DCAF12: variants seen among roughly 807,000 people sequenced by gnomAD.
DCAF12 encodes DDB1 and CUL4 associated factor 12, also known as DDB1- and CUL4-associated factor 12.
Under a neutral mutation model 52.8 loss-of-function variants are expected in DCAF12, and 28 were observed. That is an observed-to-expected ratio of 0.53 (90% CI 0.39 to 0.73). The LOEUF (loss-of-function observed/expected upper bound fraction) is 0.73, where lower values mean the gene tolerates loss of function less well. DCAF12 is among the 30% of genes least tolerant of loss of function. DCAF12 has a pLI of 0.00. For synonymous variants in DCAF12, 196 were observed against 215.5 expected, an observed-to-expected ratio of 0.91 and a Z score of 0.79; for missense variants, 425 against 552.2, an observed-to-expected ratio of 0.77 and a Z score of 2.31.
chr9:34,098,091 G>A (rs1828765525), intron 5 of DCAF12, among the ~76,000 whole-genome samples: 1 of 152,184 alleles, frequency 6.6e-6, no homozygotes, highest in Non-Finnish European at 1.5e-5. Context: ...AATTCTGTGA[G>A]GCTGACCCAC....
At position 34,126,371 on chromosome 9, in the gene DCAF12, C is replaced by A. The variant is rs1298404287; in HGVS notation, c.61G>T (p.Asp21Tyr). The A allele has an allele frequency of 2.5e-6, 4 of 1,612,340 alleles. No homozygotes were observed. Among genetic ancestry groups the A allele is most frequent in the African/African-American group, 1.3e-5 (1 of 75,060 alleles). ...ACCCTCACCTGCGGGCCCTGAGCGT[C>A]GCTCCCAGCTCCCGGCGAGGCGGGC... ...KAPASPGAGSDAQGPQFGWDH... is the reference protein window; with the variant it reads ...KAPASPGAGSYAQGPQFGWDH... The change falls in exon 1 of 9, where the codon GAC (aspartate) becomes TAC (tyrosine). Residue 21 changes from aspartate to tyrosine, a missense_variant. This residue lies in a region of DCAF12 where 89 missense variants were observed against 84.9 expected (regional missense o/e 1.05). Transcript: ENST00000361264.
At chr9:34,103,308 G>A (rs1274993775) in intron 4 of DCAF12, among the ~76,000 whole-genome samples, 1 of 151,548 alleles carries the variant, frequency 6.6e-6, no homozygotes, top group Non-Finnish European at 1.5e-5. Flanking sequence ...TCAGAAGGCT[G>A]AGGCAGGAGA....
intron 2 of DCAF12, chr9:34,109,302 C>T: frequency 5.1e-6 from 1 of 197,320 alleles, no homozygotes; most frequent in South Asian, 1.1e-4. Context: ...TTCCCATGTA[C>T]TAGTGCTGGA....
intron 2 of DCAF12, among the ~76,000 whole-genome samples, chr9:34,120,192 A>T (rs1829149165): frequency 1.5e-5 from 2 of 129,470 alleles, no homozygotes; most frequent in African/African-American, 5.8e-5. Flanking sequence ...AACAAGAATG[A>T]AAGTCCGTCT....
chr9:34,087,629 T>A lies in DCAF12; in HGVS notation c.*721A>T, dbSNP rs1242831558. 2 of 152,192 alleles carry A rather than the reference T, an allele frequency of 1.3e-5. No homozygotes were observed. The highest frequency in any genetic ancestry group is 4.8e-5 in the African/African-American group (2 of 41,460). The allele number at this position is 152,192 out of a possible 1,614,324, so 9.4% of individuals were successfully genotyped here. ...ACACAGGTGGGAAGACAGGTAGGGC[T>A]GGATCACTTTGCAGTCCTGGCATGG... On this transcript the variant is annotated 3_prime_UTR_variant, in exon 9 of 9. Transcript: ENST00000361264.
At chr9:34,092,186 C>T (rs563208344) in intron 7 of DCAF12, among the ~76,000 whole-genome samples, 31 of 152,252 alleles carry the variant, frequency 2.0e-4, no homozygotes, top group Admixed American at 1.7e-3. Flanking sequence ...ATACAATATA[C>T]GACACATAAA....
At chr9:34,096,614 G>A in intron 6 of DCAF12, 102 bp downstream of exon 6, 1 of 1,109,182 alleles carries the variant, frequency 9.0e-7, no homozygotes, top group East Asian at 2.6e-5. Context: ...AAAAATAAAT[G>A]AATAGATAAA....
Position 34,098,359 on chromosome 9 carries a change from T to G in DCAF12, c.760A>C (p.Lys254Gln). Residue 254 changes from lysine (K) to glutamine (Q), a missense_variant, in exon 5 of 9, where the codon AAG (lysine) becomes CAG (glutamine). Transcript: ENST00000361264. ...TTGTTGAAGGCCAGAGCCCGAACCT[T>G]GCAGTTGTCAGGGTTTGTGTCTTCT... is the stretch of plus-strand genomic sequence containing the variant. Reference protein sequence around the residue: ...PKEDTNPDNCKVRALAFNNKN... With the variant: ...PKEDTNPDNCQVRALAFNNKN... 1 of 1,614,224 alleles carries G rather than the reference T, an allele frequency of 6.2e-7. No homozygotes were observed. The highest frequency in any genetic ancestry group is 8.5e-7 in the Non-Finnish European group (1 of 1,180,038).
intron 7 of DCAF12, among the ~76,000 whole-genome samples, chr9:34,092,696 A>C (rs1002429883): frequency 2.7e-5 from 4 of 147,416 alleles, no homozygotes; most frequent in African/African-American, 9.8e-5. Context: ...AAAAAAAAAA[A>C]CAACAACAAC....
intron 4 of DCAF12, among the ~76,000 whole-genome samples, chr9:34,102,006 C>A (rs1400922742): frequency 1.6e-4 from 23 of 140,238 alleles, no homozygotes; most frequent in Admixed American, 8.8e-4. Flanking sequence ...CAGAGTGAGA[C>A]CCTGTCGCAA....
intron 2 of DCAF12, among the ~76,000 whole-genome samples, chr9:34,123,374 T>C (rs1362284649): frequency 6.6e-6 from 1 of 152,206 alleles, no homozygotes; most frequent in African/African-American, 2.4e-5. Context: ...CTCAGAATAT[T>C]TCCCAGATGC....
intron 2 of DCAF12, among the ~76,000 whole-genome samples, chr9:34,111,092 TCTC>T (rs1280889043): frequency 6.6e-5 from 10 of 151,158 alleles, no homozygotes; most frequent in East Asian, 5.9e-4. Flanking sequence ...TTCAAGCAAT[TCTC>T]CTGCTTCAGC....
chr9:34,105,088 A>T (rs1828884116), intron 4 of DCAF12, among the ~76,000 whole-genome samples: 1 of 147,934 alleles, frequency 6.8e-6, no homozygotes, highest in Admixed American at 6.8e-5. Flanking sequence ...CCCCATCTCT[A>T]CCAAAAATAG....
intron 2 of DCAF12, among the ~76,000 whole-genome samples, chr9:34,108,690 G>A (rs1828943957): frequency 6.6e-6 from 1 of 151,778 alleles, no homozygotes; most frequent in African/African-American, 2.4e-5. Flanking sequence ...GGAGGCTGAG[G>A]CAGAAGAATC....
intron 5 of DCAF12, among the ~76,000 whole-genome samples, chr9:34,097,604 T>C (rs567673337): frequency 9.9e-5 from 15 of 151,714 alleles, no homozygotes; most frequent in African/African-American, 3.6e-4. Flanking sequence ...CTCAATAAGG[T>C]AAGACTTAGT....
chr9:34,090,570 T>A (rs1828627889), intron 7 of DCAF12, among the ~76,000 whole-genome samples: 1 of 152,166 alleles, frequency 6.6e-6, no homozygotes, highest in East Asian at 1.9e-4. Flanking sequence ...GGAACCAGTA[T>A]TTCCTTATTA....
Position 34,087,091 on chromosome 9 carries a change from A to G in DCAF12, c.*1259T>C, listed in dbSNP as rs1828568194. 6.6e-6 allele frequency: 1 copy of G among 152,204 alleles called. No individual in the cohort carries two copies. Among genetic ancestry groups the G allele is most frequent in the South Asian group, 2.1e-4 (1 of 4,826 alleles). The allele number at this position is 152,204 out of a possible 1,614,324, so 9.4% of individuals were successfully genotyped here. A position where few individuals can be genotyped will look rare whatever the true frequency, so the allele number is the denominator to read the frequency against. On this transcript the variant is annotated 3_prime_UTR_variant, in exon 9 of 9. Transcript: ENST00000361264. ...TCAAGGGAGGAACAGACAAATTACT[A>G]ATCACATTGATGCTGTCACATGCAC... is the stretch of plus-strand genomic sequence containing the variant.
chr9:34,113,605 G>T (rs967980256), intron 2 of DCAF12, among the ~76,000 whole-genome samples: 4 of 152,084 alleles, frequency 2.6e-5, no homozygotes, highest in Admixed American at 6.5e-5. Flanking sequence ...CTCCCAAAGT[G>T]CTGGGATTAC....
rs1490365108 is a variant in DCAF12, at chr9:34,088,165, A to G, written c.*185T>C. On this transcript the variant is annotated 3_prime_UTR_variant, in exon 9 of 9. Transcript: ENST00000361264. ...ATTTTGATTACCAAAGGGGAAAACA[A>G]AAAGCAAAACAACTTTCAGATTTCT... 6 of 513,954 alleles carry G rather than the reference A, an allele frequency of 1.2e-5. No homozygotes were observed. Among genetic ancestry groups the G allele is most frequent in the Non-Finnish European group, 1.6e-5 (5 of 319,636 alleles). 31.8% of individuals were successfully genotyped at this position (513,954 alleles called of 1,614,324 possible). A position where few individuals can be genotyped will look rare whatever the true frequency, so the allele number is the denominator to read the frequency against.
Sources: allele counts gnomAD v4.1 joint callset (sites outside exome capture counted in the v4.1 genomes callset), GRCh38; gene constraint gnomAD v4.1.1; regional missense constraint gnomAD v4.1.1; transcripts MANE v1.5; gene names NCBI Gene and HGNC (gene_info 2026-07-23, HGNC 2026-07-21).